The following ATRN variants were observed in gnomAD, a reference collection of about 807,000 sequenced individuals.
The protein encoded by ATRN is attractin-2.
Under a neutral mutation model 178.7 loss-of-function variants are expected in ATRN, and 54 were observed. The ratio of observed to expected loss-of-function variants is 0.30; its 90% CI spans 0.24 to 0.38. The LOEUF (loss-of-function observed/expected upper bound fraction) is 0.38. Ranked by LOEUF, ATRN falls within the 10% of genes least tolerant of loss-of-function variation. The pLI, the probability that ATRN is intolerant of heterozygous loss-of-function variation, is 1.00. For synonymous variants in ATRN, 636 were observed against 663.0 expected, an observed-to-expected ratio of 0.96 and a Z score of 0.63; for missense variants, 1,443 against 1,815.1, an observed-to-expected ratio of 0.79 and a Z score of 3.73.
chr20:3,482,129 TTTG>T (rs1180209163), intron 1 of ATRN, among the ~76,000 whole-genome samples: 1 of 152,002 alleles, frequency 6.6e-6, no homozygotes, highest in African/African-American at 2.4e-5. Flanking sequence ...GTAAAAGTAG[TTTG>T]TTAATAAAGA....
chr20:3,608,618 G>A (rs1159587207), intron 24 of ATRN, among the ~76,000 whole-genome samples: 1 of 152,106 alleles, frequency 6.6e-6, no homozygotes, highest in African/African-American at 2.4e-5. Flanking sequence ...TAGCTTTGTA[G>A]CATATTTTGA....
At chr20:3,505,953 C>G (rs1323381975) in intron 1 of ATRN, among the ~76,000 whole-genome samples, 1 of 152,122 alleles carries the variant, frequency 6.6e-6, no homozygotes, top group Non-Finnish European at 1.5e-5. Flanking sequence ...TGTAAAAGGG[C>G]AATATGGGGA....
At chr20:3,637,046 G>A (rs1461604087) in intron 26 of ATRN, among the ~76,000 whole-genome samples, 2 of 152,222 alleles carry the variant, frequency 1.3e-5, no homozygotes, top group African/African-American at 4.8e-5. Context: ...TGTTTGCAGT[G>A]TGCATGAGAG....
At chr20:3,493,347 A>G (rs1210622223) in intron 1 of ATRN, among the ~76,000 whole-genome samples, 3 of 147,430 alleles carry the variant, frequency 2.0e-5, no homozygotes, top group Admixed American at 6.8e-5. Flanking sequence ...TTTGGTAGAG[A>G]TGGGGTCTCA....
chr20:3,500,953 ATAAC>A (rs1006882648), intron 1 of ATRN, among the ~76,000 whole-genome samples: 50 of 152,328 alleles, frequency 3.3e-4, no homozygotes, highest in African/African-American at 1.2e-3. Flanking sequence ...TTAGTTATAT[ATAAC>A]TAAATGTATA....
chr20:3,616,957 A>G (rs74717798), intron 24 of ATRN, among the ~76,000 whole-genome samples: 1 of 150,774 alleles, frequency 6.6e-6, no homozygotes, highest in African/African-American at 2.4e-5. Flanking sequence ...TCGCATTTTT[A>G]TCCCTCAGTG....
chr20:3,551,576 C>A (rs917435873), intron 6 of ATRN, among the ~76,000 whole-genome samples: 1 of 152,056 alleles, frequency 6.6e-6, no homozygotes. Flanking sequence ...ACTTTTCAAT[C>A]TTTTCAGATA....
chr20:3,571,932 G>A (rs1336299066), intron 11 of ATRN, among the ~76,000 whole-genome samples: 2 of 151,744 alleles, frequency 1.3e-5, no homozygotes, highest in African/African-American at 2.4e-5. Flanking sequence ...TTCTTCTACT[G>A]CTTGTGTGTT....
intron 1 of ATRN, among the ~76,000 whole-genome samples, chr20:3,475,946 A>G (rs1281197848): frequency 6.6e-6 from 1 of 152,102 alleles, no homozygotes; most frequent in African/African-American, 2.4e-5. Flanking sequence ...GGAGTTTGAG[A>G]CCAACCTGGG....
At chr20:3,543,900 G>A (rs2085661068) in intron 3 of ATRN, among the ~76,000 whole-genome samples, 1 of 152,072 alleles carries the variant, frequency 6.6e-6, no homozygotes, top group Non-Finnish European at 1.5e-5. Flanking sequence ...CAGCCATGGT[G>A]GTGTGTGCCT....
chr20:3,606,927 C>A (rs2086684415), intron 24 of ATRN, among the ~76,000 whole-genome samples: 1 of 152,134 alleles, frequency 6.6e-6, no homozygotes, highest in Non-Finnish European at 1.5e-5. Context: ...ACCTCAAGTA[C>A]TTGGTAGCTC....
At chr20:3,610,742 CTTT>C (rs71195847) in intron 24 of ATRN, among the ~76,000 whole-genome samples, 1 of 65,260 alleles carries the variant, frequency 1.5e-5, no homozygotes, top group African/African-American at 6.6e-5. Flanking sequence ...CTGGCTAATT[CTTT>C]TTTTTTTTTT....
chr20:3,578,830 T>G (rs1311406285), intron 15 of ATRN, 58 bp downstream of exon 15: 2 of 1,498,786 alleles, frequency 1.3e-6, no homozygotes, highest in African/African-American at 2.8e-5. Flanking sequence ...ACCAAGGGCA[T>G]GACTGCAGCT....
In ATRN at chr20:3,646,878, G is replaced by C. The variant is rs1402686074; in HGVS notation, c.*31G>C. Reference sequence around the variant, plus strand: ...GGGCCAGGGACTCTCCCACGCACGAGCTAGTGAGTGGCACACCAGAGCCAT... The same window carrying C: ...GGGCCAGGGACTCTCCCACGCACGACCTAGTGAGTGGCACACCAGAGCCAT... On this transcript the variant is annotated 3_prime_UTR_variant, in exon 29 of 29. Coordinates refer to ENST00000262919, the MANE Select transcript of ATRN (RefSeq NM_139321.3). 1.2e-6 allele frequency: 2 copies of C among 1,611,396 alleles called. No homozygotes were observed. Among genetic ancestry groups the C allele is most frequent in the Non-Finnish European group, 1.7e-6 (2 of 1,178,854 alleles).
chr20:3,570,028 G>A (rs2086097184), intron 11 of ATRN, among the ~76,000 whole-genome samples: 1 of 151,434 alleles, frequency 6.6e-6, no homozygotes, highest in Admixed American at 6.6e-5. Flanking sequence ...CTATGATGGT[G>A]CTGTTGCACT....
At chr20:3,579,839 C>T (rs1045950970) in intron 15 of ATRN, among the ~76,000 whole-genome samples, 1 of 152,164 alleles carries the variant, frequency 6.6e-6, no homozygotes, top group Non-Finnish European at 1.5e-5. Context: ...CAGCCTCCTT[C>T]ATGTGAAGGT....
intron 24 of ATRN, among the ~76,000 whole-genome samples, chr20:3,613,093 G>C (rs118038852): frequency 0.037 from 5,627 of 152,106 alleles, 144 homozygotes; most frequent in Non-Finnish European, 0.055. Context: ...TTTTCTTCCT[G>C]GTTTTCTGGT....
chr20:3,583,549 C>A (rs6084415), intron 16 of ATRN, among the ~76,000 whole-genome samples: 5,750 of 152,330 alleles, frequency 0.038, 175 homozygotes, highest in Admixed American at 0.083. Flanking sequence ...TGGCTCACGC[C>A]TGTAATCCCA....
chr20:3,636,357 A>G (rs889518793), intron 26 of ATRN, among the ~76,000 whole-genome samples: 17 of 152,222 alleles, frequency 1.1e-4, no homozygotes, highest in African/African-American at 7.2e-5. Flanking sequence ...AAAAGAATAT[A>G]TCATGTCAAT....
Sources: allele counts gnomAD v4.1 joint callset (sites outside exome capture counted in the v4.1 genomes callset), GRCh38; gene constraint gnomAD v4.1.1; transcripts MANE v1.5; gene names NCBI Gene and HGNC (gene_info 2026-07-23, HGNC 2026-07-21).